PPARGC1A: variants seen among roughly 807,000 people sequenced by gnomAD.
PPARGC1A encodes the protein peroxisome proliferator-activated receptor gamma coactivator 1-alpha.
In PPARGC1A, 25 loss-of-function variants were observed where a neutral mutation model predicts 88.7. The observed-to-expected ratio is 0.28, with a 90% CI of 0.21 to 0.39. The LOEUF (loss-of-function observed/expected upper bound fraction) is 0.39, where lower values mean the gene tolerates loss of function less well. Among genes scored for constraint, PPARGC1A ranks in the 10% least tolerant of loss-of-function variants. The pLI is 1.00. For missense variants in PPARGC1A, 880 were observed against 968.7 expected, an observed-to-expected ratio of 0.91 and a Z score of 1.22; for synonymous variants, 363 against 355.6, an observed-to-expected ratio of 1.02 and a Z score of -0.24.
chr4:23,794,304 T>C lies in PPARGC1A; in HGVS notation c.*1518A>G, dbSNP rs1717132588. On this transcript the variant is annotated 3_prime_UTR_variant, in exon 13 of 13. Transcript: ENST00000264867. ...TGATATCTTCTAGAAAAATTTTAGA[T>C]GAGAAAATTTCATTCCCCTAACAAA... 6.6e-6 allele frequency: 1 copy of C among 152,600 alleles called. No individual in the cohort carries two copies. Among genetic ancestry groups the C allele is most frequent in the African/African-American group, 2.4e-5 (1 of 41,454 alleles). The allele number at this position is 152,600 out of a possible 1,614,324, so 9.5% of individuals were successfully genotyped here. A position where few individuals can be genotyped will look rare whatever the true frequency, so the allele number is the denominator to read the frequency against.
chr4:23,823,584 T>A (rs1723395531), intron 7 of PPARGC1A, among the ~76,000 whole-genome samples: 1 of 152,036 alleles, frequency 6.6e-6, no homozygotes, highest in Admixed American at 6.6e-5. Flanking sequence ...AACATATATG[T>A]AAGTTATAAT....
chr4:23,890,169 T>A, upstream of PPARGC1A: 1 of 1,042,606 alleles, frequency 9.6e-7, no homozygotes, highest in Non-Finnish European at 1.2e-6. Context: ...CTGCTCTAAC[T>A]CGTGACGTCA....
At chr4:24,012,783 T>C in the PPARGC1A span, among the ~76,000 whole-genome samples, 37 of 152,152 alleles carry the variant, frequency 2.4e-4, no homozygotes, top group Non-Finnish European at 4.1e-4. Context: ...TTTTTGTATA[T>C]TTTTCAAAAT....
chr4:23,941,367 T>C, the PPARGC1A span, among the ~76,000 whole-genome samples: 2 of 152,206 alleles, frequency 1.3e-5, no homozygotes, highest in African/African-American at 2.4e-5. Flanking sequence ...TTTAATTTTT[T>C]TTAATGTCAT....
chr4:23,978,010 A>G, the PPARGC1A span, among the ~76,000 whole-genome samples: 1 of 152,162 alleles, frequency 6.6e-6, no homozygotes, highest in African/African-American at 2.4e-5. Context: ...TCAAAATGAC[A>G]CTATTTTCAG....
At chr4:24,340,782 T>C in the PPARGC1A span, among the ~76,000 whole-genome samples, 25,988 of 151,834 alleles carry the variant, frequency 0.17, 2,344 homozygotes, top group Non-Finnish European at 0.19. Context: ...AAGAAGACAG[T>C]TCTGTTTGAA....
At chr4:24,312,044 C>T in the PPARGC1A span, among the ~76,000 whole-genome samples, 2 of 152,198 alleles carry the variant, frequency 1.3e-5, no homozygotes, top group Non-Finnish European at 2.9e-5. Context: ...TCGTCTCCCG[C>T]TTTGCACAGC....
At chr4:23,906,630 AGAT>A (rs1256383978), upstream of PPARGC1A, among the ~76,000 whole-genome samples, 13 of 151,674 alleles carry the variant, frequency 8.6e-5, no homozygotes, top group South Asian at 2.7e-3. Flanking sequence ...AAAAAAAAGA[AGAT>A]ATTTTCCATG....
chr4:24,182,031 G>A, the PPARGC1A span, among the ~76,000 whole-genome samples: 6 of 152,052 alleles, frequency 3.9e-5, no homozygotes, highest in South Asian at 4.2e-4. Context: ...TGTGCAGAAC[G>A]TGCAGGTTTT....
chr4:24,159,889 C>T, the PPARGC1A span, among the ~76,000 whole-genome samples: 1 of 152,158 alleles, frequency 6.6e-6, no homozygotes, highest in Non-Finnish European at 1.5e-5. Context: ...GTCAGTGGGA[C>T]CATATAGTGA....
At chr4:24,458,542 T>C in the PPARGC1A span, among the ~76,000 whole-genome samples, 2 of 152,152 alleles carry the variant, frequency 1.3e-5, no homozygotes, top group Non-Finnish European at 2.9e-5. Context: ...AATATGAGGA[T>C]TTATTTTATG....
chr4:24,119,019 C>T, the PPARGC1A span, among the ~76,000 whole-genome samples: 125 of 152,278 alleles, frequency 8.2e-4, no homozygotes, highest in African/African-American at 2.8e-3. Flanking sequence ...ACCTATCAAA[C>T]GCATCACCTT....
chr4:23,890,602 CTTTTTT>C (rs56855205), upstream of PPARGC1A, among the ~76,000 whole-genome samples: 131 of 103,264 alleles, frequency 1.3e-3, no homozygotes, highest in East Asian at 0.01. Context: ...GCAAACGGGG[CTTTTTT>C]TTTTTTTTTT....
At chr4:23,926,783 T>C in the PPARGC1A span, among the ~76,000 whole-genome samples, 1 of 152,242 alleles carries the variant, frequency 6.6e-6, no homozygotes, top group South Asian at 2.1e-4. Context: ...TAAGTCCTTC[T>C]GCTCATGGCT....
At chr4:23,981,508 G>A in the PPARGC1A span, among the ~76,000 whole-genome samples, 1 of 152,036 alleles carries the variant, frequency 6.6e-6, no homozygotes, top group Non-Finnish European at 1.5e-5. Flanking sequence ...AGGGAAATTA[G>A]GTGTGGGCTG....
the PPARGC1A span, among the ~76,000 whole-genome samples, chr4:24,338,407 AAAAG>A: frequency 3.9e-5 from 6 of 152,328 alleles, 1 homozygote; most frequent in African/African-American, 1.4e-4. Flanking sequence ...TGGGGAATGA[AAAAG>A]AACACAACAT....
At chr4:23,808,204 T>A (rs1029407117) in intron 10 of PPARGC1A, among the ~76,000 whole-genome samples, 3 of 149,302 alleles carry the variant, frequency 2.0e-5, no homozygotes, top group Non-Finnish European at 4.4e-5. Flanking sequence ...TGAGCCAAGA[T>A]TGCGCCACTG....
At chr4:23,855,784 A>G (rs886969846) in intron 2 of PPARGC1A, among the ~76,000 whole-genome samples, 1 of 152,060 alleles carries the variant, frequency 6.6e-6, no homozygotes, top group African/African-American at 2.4e-5. Flanking sequence ...AGAGGCACCT[A>G]AGCTGTGGTA....
the PPARGC1A span, among the ~76,000 whole-genome samples, chr4:24,226,056 G>A: frequency 6.6e-6 from 1 of 152,060 alleles, no homozygotes; most frequent in African/African-American, 2.4e-5. Context: ...GTTTCCACGC[G>A]CTCACATTGT....
Sources: gnomAD v4.1 joint callset for allele counts (sites outside exome capture counted in the v4.1 genomes callset) on GRCh38, gnomAD v4.1.1 for gene constraint, MANE v1.5 for transcripts, NCBI Gene and HGNC (gene_info 2026-07-23, HGNC 2026-07-21) for gene names.